The following ZBTB20 variants were observed in gnomAD, a reference collection of about 807,000 sequenced individuals.
ZBTB20 encodes the protein zinc finger and BTB domain-containing protein 20.
Under a neutral mutation model 56.9 loss-of-function variants are expected in ZBTB20, and 9 were observed. That is an observed-to-expected ratio of 0.16 (90% CI 0.10 to 0.28). The LOEUF (loss-of-function observed/expected upper bound fraction) is 0.28, where lower values mean the gene tolerates loss of function less well. Ranked by LOEUF, ZBTB20 falls within the 10% of genes least tolerant of loss-of-function variation. The pLI is 1.00. For missense variants in ZBTB20, 655 were observed against 1,003.0 expected (o/e 0.65, Z 4.69); for synonymous variants, 417 against 420.7 (o/e 0.99, Z 0.11).
chr3:114,834,432 C>T (rs1437450027), intron 4 of ZBTB20, among the ~76,000 whole-genome samples: 1 of 152,142 alleles, frequency 6.6e-6, no homozygotes, highest in Non-Finnish European at 1.5e-5. Flanking sequence ...TAATAAACTT[C>T]TTCTGGTAAG....
chr3:115,080,692 T>A (rs568743596), intron 1 of ZBTB20, among the ~76,000 whole-genome samples: 2 of 152,296 alleles, frequency 1.3e-5, no homozygotes, highest in African/African-American at 4.8e-5. Flanking sequence ...GATAAAAAGA[T>A]TCACCCTCAT....
At chr3:114,694,216 T>C (rs1382187844) in intron 5 of ZBTB20, among the ~76,000 whole-genome samples, 3 of 152,094 alleles carry the variant, frequency 2.0e-5, no homozygotes, top group South Asian at 4.1e-4. Context: ...CAAAATCTTT[T>C]ATGCGAAGTC....
At chr3:114,714,974 T>C (rs1018048790) in intron 5 of ZBTB20, among the ~76,000 whole-genome samples, 2 of 152,198 alleles carry the variant, frequency 1.3e-5, no homozygotes, top group African/African-American at 4.8e-5. Context: ...TTAATGTGTG[T>C]AGGTTTTTTT....
chr3:114,390,744 C>G (rs981724710), intron 7 of ZBTB20, among the ~76,000 whole-genome samples: 1 of 152,188 alleles, frequency 6.6e-6, no homozygotes, highest in Admixed American at 6.5e-5. Flanking sequence ...GTTCCTTTGT[C>G]CATTCATTCA....
chr3:114,400,265 G>T (rs2086699936), intron 7 of ZBTB20, among the ~76,000 whole-genome samples: 1 of 152,094 alleles, frequency 6.6e-6, no homozygotes, highest in African/African-American at 2.4e-5. Context: ...TCAATGAATG[G>T]CATAATACTT....
chr3:114,765,260 A>G lies in ZBTB20; in HGVS notation c.-343+35841T>C, dbSNP rs146123020. Among the ~76,000 whole-genome samples, 24 of 152,274 alleles carry G rather than the reference A, an allele frequency of 1.6e-4. No homozygotes were observed. In the East Asian group the frequency reaches 2.3e-3, roughly 15 times the overall value. On this transcript the variant is annotated intron_variant, in intron 5 of 11. Transcript: ENST00000675478. ...ATATGTTAAATTTCTAACCCCAAGT[A>G]TCTCAGAAAATGACCATATTTGGAA...
intron 6 of ZBTB20, among the ~76,000 whole-genome samples, chr3:114,570,064 G>GTATTTCTCAACATGTATTTTGAGGTCAA (rs1260781256): frequency 1.5e-5 from 2 of 134,238 alleles, no homozygotes; most frequent in Non-Finnish European, 3.3e-5. Flanking sequence ...AGTATAAAGG[G>GTATTTCTCAACATGTATTTTGAGGTCAA]TATTTCTCAA....
At chr3:114,849,756 CAA>C (rs1054235382) in intron 4 of ZBTB20, among the ~76,000 whole-genome samples, 3 of 152,060 alleles carry the variant, frequency 2.0e-5, no homozygotes, top group African/African-American at 7.2e-5. Context: ...AAAGACTTTA[CAA>C]AAACAAGGAA....
intron 5 of ZBTB20, among the ~76,000 whole-genome samples, chr3:114,789,984 G>A (rs983599197): frequency 4.6e-5 from 7 of 151,796 alleles, no homozygotes; most frequent in African/African-American, 9.7e-5. Context: ...ACCAAAGCAC[G>A]GTGAATACAC....
intron 5 of ZBTB20, among the ~76,000 whole-genome samples, chr3:114,714,294 G>C (rs2064302562): frequency 6.6e-6 from 1 of 152,154 alleles, no homozygotes; most frequent in Non-Finnish European, 1.5e-5. Flanking sequence ...ACATGCTTCA[G>C]GGCAAAACCT....
At chr3:114,500,648 AC>A (rs1418974625) in intron 6 of ZBTB20, among the ~76,000 whole-genome samples, 1 of 152,134 alleles carries the variant, frequency 6.6e-6, no homozygotes, top group African/African-American at 2.4e-5. Context: ...GAGTGCAAAG[AC>A]CTTTCTTTGT....
At chr3:115,123,765 C>A (rs555621261) in intron 1 of ZBTB20, among the ~76,000 whole-genome samples, 54 of 152,242 alleles carry the variant, frequency 3.5e-4, no homozygotes, top group South Asian at 2.9e-3. Context: ...ATTCTTTATT[C>A]CAAGACTGGC....
chr3:115,011,654 T>TA (rs2079716768), intron 2 of ZBTB20, among the ~76,000 whole-genome samples: 1 of 151,754 alleles, frequency 6.6e-6, no homozygotes. Flanking sequence ...CAAGAAATGC[T>TA]AAAGGGAGTA....
chr3:114,443,084 G>A (rs1395625805), intron 7 of ZBTB20, among the ~76,000 whole-genome samples: 1 of 152,072 alleles, frequency 6.6e-6, no homozygotes, highest in Non-Finnish European at 1.5e-5. Flanking sequence ...ATGACAGCTA[G>A]CTATCAAAAA....
chr3:114,759,571 T>A (rs1319747725), intron 5 of ZBTB20, among the ~76,000 whole-genome samples: 1 of 152,080 alleles, frequency 6.6e-6, no homozygotes, highest in Non-Finnish European at 1.5e-5. Flanking sequence ...AGTTGAGAAA[T>A]CAGACATATA....
In ZBTB20 at chr3:114,945,120, AAAAT is replaced by A. The variant is rs142053250; in HGVS notation, c.-456+29242_-456+29245del. Among the ~76,000 whole-genome samples, 143 of 145,686 alleles carry A rather than the reference AAAAT, an allele frequency of 9.8e-4. 4 individuals carry two copies. In the East Asian group the frequency reaches 0.026, roughly 26 times the overall value. On this transcript the variant is annotated intron_variant, in intron 3 of 11. Transcript: ENST00000675478. ...ATAATTGTCAATCAAAAGTAAAATAAAAATAAAGCAAAACATATATATACACAAA... is the reference window on the plus strand; with the variant it reads ...ATAATTGTCAATCAAAAGTAAAATAAAAAGCAAAACATATATATACACAAA...
chr3:114,695,595 TC>T lies in ZBTB20; in HGVS notation c.-342-2021del, dbSNP rs1428262694. 5.3e-5 allele frequency among the ~76,000 whole-genome samples: 8 copies of T among 151,644 alleles called. No individual in the cohort carries two copies. In the East Asian group the frequency reaches 1.5e-3, roughly 29 times the overall value. ...TTTGACAATCAATAAAATGCAAATC[TC>T]CCTCACTTTTGTGTTCTAAGTTTTT... On this transcript the variant is annotated intron_variant, in intron 5 of 11. Transcript: ENST00000675478.
At chr3:114,890,352 C>T (rs913015798) in intron 4 of ZBTB20, among the ~76,000 whole-genome samples, 4 of 152,042 alleles carry the variant, frequency 2.6e-5, no homozygotes, top group African/African-American at 4.8e-5. Context: ...TAATCTGCAC[C>T]GTAAACTGTG....
chr3:114,897,624 T>C (rs2074938054), intron 4 of ZBTB20, among the ~76,000 whole-genome samples: 1 of 152,130 alleles, frequency 6.6e-6, no homozygotes, highest in African/African-American at 2.4e-5. Flanking sequence ...ATATATATTC[T>C]TGGCTCATCT....
Sources: allele counts gnomAD v4.1 joint callset (sites outside exome capture counted in the v4.1 genomes callset), GRCh38; gene constraint gnomAD v4.1.1; transcripts MANE v1.5; gene names NCBI Gene and HGNC (gene_info 2026-07-23, HGNC 2026-07-21).